DBI: variants seen among roughly 807,000 people sequenced by gnomAD.
The protein encoded by DBI is diazepam binding inhibitor, acyl-CoA binding protein, also known as acyl-CoA-binding protein.
DBI carries 12 observed loss-of-function variants against 13.0 expected under a neutral mutation model. The ratio of observed to expected loss-of-function variants is 0.92; its 90% CI spans 0.59 to 1.49. The LOEUF is 1.49. DBI is among the 40% of genes most tolerant of loss of function. The pLI, the probability that DBI is intolerant of heterozygous loss-of-function variation, is 0.00. For missense variants in DBI, 95 were observed against 104.8 expected (o/e 0.91, Z 0.41); for synonymous variants, 37 against 37.4 (o/e 0.99, Z 0.04).
At position 119,368,313 on chromosome 2, in the gene DBI, G is replaced by A. The variant is rs924327676; in HGVS notation, c.127+8G>A. On this transcript the variant is annotated splice_region_variant and intron_variant, in intron 2 of 3. Coordinates refer to ENST00000355857, the MANE Select transcript of DBI (RefSeq NM_001079862.4). ...TGGGCGACATAAATACAGGTATGCA[G>A]AGCGGGGGTTGGAAGGGCATCTGCT... 6.2e-7 allele frequency: 1 copy of A among 1,605,982 alleles called. No individual in the cohort carries two copies. The highest frequency in any genetic ancestry group is 1.3e-5 in the African/African-American group (1 of 74,914).
chr2:119,368,775 G>A (rs1681284706), intron 2 of DBI: 1 of 161,426 alleles, frequency 6.2e-6, no homozygotes, highest in Non-Finnish European at 1.4e-5. Context: ...CCTTCCTGAT[G>A]ATAACTTTTT....
Position 119,367,028 on chromosome 2 carries a change from T to G in DBI, c.-24T>G, listed in dbSNP as rs768436814. 6 of 1,614,024 alleles carry G rather than the reference T, an allele frequency of 3.7e-6. No homozygotes were observed. The highest frequency in any genetic ancestry group is 5.1e-6 in the Non-Finnish European group (6 of 1,179,970). On this transcript the variant is annotated 5_prime_UTR_variant, in exon 1 of 4. Coordinates refer to ENST00000355857, the MANE Select transcript of DBI (RefSeq NM_001079862.4). ...GTCCTCGCCTCCTCCGCTGTCTCCCTGGAGTTCTTGCAAGTCGGCCAGGAT... is the reference window on the plus strand; with the variant it reads ...GTCCTCGCCTCCTCCGCTGTCTCCCGGGAGTTCTTGCAAGTCGGCCAGGAT...
chr2:119,371,012 G>A (rs1432521304), intron 3 of DBI, among the ~76,000 whole-genome samples: 1 of 152,198 alleles, frequency 6.6e-6, no homozygotes, highest in Non-Finnish European at 1.5e-5. Flanking sequence ...TCTCTGAGCA[G>A]GAGCATCATC....
intron 3 of DBI, 122 bp from the exon 4 acceptor site, chr2:119,372,117 GAATCTC>G (rs1681559489): frequency 2.9e-6 from 2 of 685,650 alleles, no homozygotes; most frequent in Non-Finnish European, 5.2e-6. Context: ...GTAATTAGTA[GAATCTC>G]AACTTTATTA....
Position 119,367,363 on chromosome 2 carries a change from C to T in DBI, c.9+303C>T, listed in dbSNP as rs772629624. The T allele has an allele frequency of 5.5e-6, 8 of 1,448,580 alleles. No homozygotes were observed. In the South Asian group the frequency reaches 9.9e-5, roughly 18 times the overall value. 89.7% of individuals were successfully genotyped at this position (1,448,580 alleles called of 1,614,324 possible). ...TGGAGAGATGGGGGAAGGGGTTGCACGGATTGGAGGAGCGAGGAGACTCAG... is the reference window on the plus strand; with the variant it reads ...TGGAGAGATGGGGGAAGGGGTTGCATGGATTGGAGGAGCGAGGAGACTCAG... On this transcript the variant is annotated intron_variant, in intron 1 of 3. Transcript: ENST00000355857.
chr2:119,368,253 G>A lies in DBI; in HGVS notation c.75G>A (p.Met25Ile). Residue 25 changes from methionine to isoleucine, a missense_variant, in exon 2 of 4, where the codon ATG becomes ATA. Met to Ile is a conservative substitution (Grantham distance 10). Transcript: ENST00000355857. ...HLKTKPSDEE[M>I]LFIYGHYKQA... ...AGACCAAGCCATCGGATGAGGAGAT[G>A]CTGTTCATCTATGGCCACTACAAAC... The A allele has an allele frequency of 1.9e-6, 3 of 1,614,114 alleles. No homozygotes were observed. Among genetic ancestry groups the A allele is most frequent in the Non-Finnish European group, 2.5e-6 (3 of 1,180,006 alleles).
chr2:119,368,397 G>T, intron 2 of DBI, 92 bp downstream of exon 2: 2 of 898,172 alleles, frequency 2.2e-6, no homozygotes, highest in Non-Finnish European at 3.7e-6. Context: ...CTCTCAAACT[G>T]CCTGAGGCCC....
chr2:119,370,949 C>G (rs1007668747), intron 3 of DBI, 147 bp downstream of exon 3: 1 of 656,098 alleles, frequency 1.5e-6, no homozygotes, highest in African/African-American at 1.8e-5. Context: ...GGGAAAAAAC[C>G]GGGCCACCTA....
chr2:119,367,788 A>G, intron 1 of DBI: 1 of 1,610,124 alleles, frequency 6.2e-7, no homozygotes. Flanking sequence ...GCTTCGCTGC[A>G]GCCCCGGCCA....
Position 119,368,291 on chromosome 2 carries a change from G to A in DBI, c.113G>A (p.Gly38Asp), listed in dbSNP as rs375602744. The change falls in exon 2 of 4, where the codon GGC becomes GAC. Residue 38 changes from glycine to aspartate, a missense_variant. Gly to Asp is a moderately conservative substitution (Grantham distance 94). Coordinates refer to ENST00000355857, the MANE Select transcript of DBI (RefSeq NM_001079862.4). The stretch of plus-strand genomic sequence containing the variant: ...GGCCACTACAAACAAGCAACTGTGG[G>A]CGACATAAATACAGGTATGCAGAGC... ...IYGHYKQATV[G>D]DINTERPGML... The A allele has an allele frequency of 4.2e-5, 68 of 1,613,590 alleles. No individual in the cohort carries two copies. The highest frequency in any genetic ancestry group is 5.7e-5 in the Non-Finnish European group (67 of 1,179,484).
In DBI at chr2:119,368,612, A is replaced by G. The variant is rs548256914; in HGVS notation, c.127+307A>G. The G allele has an allele frequency of 1.0e-5, 3 of 286,416 alleles. No individual in the cohort carries two copies. In the East Asian group the frequency reaches 2.1e-4, roughly 20 times the overall value. The allele number at this position is 286,416 out of a possible 1,614,324, so 17.7% of individuals were successfully genotyped here. The stretch of plus-strand genomic sequence containing the variant: ...TGAAGGCTCTCAGCTCAGTAGTATC[A>G]TTGTTGAGCCGTTCAGCTTCTGCCC... On this transcript the variant is annotated intron_variant, in intron 2 of 3. Transcript: ENST00000355857.
intron 2 of DBI, 127 bp downstream of exon 2, chr2:119,368,432 T>TG (rs1681251705): frequency 1.4e-6 from 1 of 722,236 alleles, no homozygotes; most frequent in Non-Finnish European, 2.5e-6. Context: ...GGTATGGTGA[T>TG]GGTTCCTGAG....
At chr2:119,367,950 T>A (rs766478607) in intron 1 of DBI, 1 of 1,614,212 alleles carries the variant, frequency 6.2e-7, no homozygotes, top group Non-Finnish European at 8.5e-7. Context: ...TCTGGATATA[T>A]GGTTTTCGAT....
chr2:119,369,981 A>G (rs1681396505), intron 2 of DBI, among the ~76,000 whole-genome samples: 1 of 152,112 alleles, frequency 6.6e-6, no homozygotes, highest in Non-Finnish European at 1.5e-5. Context: ...GTGCTATTCT[A>G]GGATCCTGAT....
chr2:119,368,528 C>T (rs1362705926), intron 2 of DBI: 5 of 516,892 alleles, frequency 9.7e-6, no homozygotes, highest in African/African-American at 1.9e-5. Context: ...TACTGGTTAT[C>T]ACCAGCAGCT....
intron 1 of DBI, chr2:119,367,657 C>T: frequency 1.2e-6 from 2 of 1,613,900 alleles, no homozygotes; most frequent in African/African-American, 1.3e-5. Context: ...CGGTGTTGAA[C>T]GCGCGGGCCC....
At chr2:119,367,481 G>A in intron 1 of DBI, 1 of 1,595,774 alleles carries the variant, frequency 6.3e-7, no homozygotes, top group Non-Finnish European at 8.6e-7. Context: ...GAAGTACGGG[G>A]CCGGCTGCTC....
Position 119,367,739 on chromosome 2 carries a change from G to C in DBI, c.10-449G>C, listed in dbSNP as rs8192501. ...ACTCATGCCCTGTCCCCTTTCAGCT[G>C]TTTCCAGCATACTGTGCCCCGTCTG... On this transcript the variant is annotated intron_variant, in intron 1 of 3. Coordinates refer to ENST00000355857, the MANE Select transcript of DBI (RefSeq NM_001079862.4). 8 of 1,607,176 alleles carry C rather than the reference G, an allele frequency of 5.0e-6. No individual in the cohort carries two copies. The Admixed American group carries it at 8.4e-5, about 17-fold the overall frequency.
chr2:119,367,775 A>G (rs1468047764), intron 1 of DBI: 1 of 1,609,392 alleles, frequency 6.2e-7, no homozygotes, highest in East Asian at 2.2e-5. Flanking sequence ...TCCTCAGGCC[A>G]GGGCTTCGCT....
Sources: gnomAD v4.1 joint callset for allele counts (sites outside exome capture counted in the v4.1 genomes callset) on GRCh38, gnomAD v4.1.1 for gene constraint, MANE v1.5 for transcripts, NCBI Gene and HGNC (gene_info 2026-07-23, HGNC 2026-07-21) for gene names.